MGME1: variants seen among roughly 807,000 people sequenced by gnomAD.
The protein encoded by MGME1 is mitochondrial genome maintenance exonuclease 1, also known as chromosome 20 open reading frame 72.
In MGME1, 22 loss-of-function variants were observed where a neutral mutation model predicts 33.0. The ratio of observed to expected loss-of-function variants is 0.67; its 90% CI spans 0.48 to 0.95. The LOEUF (loss-of-function observed/expected upper bound fraction) is 0.95, where lower values mean the gene tolerates loss of function less well. Among genes scored for constraint, MGME1 ranks in the 40% least tolerant of loss-of-function variants. The pLI is 0.00. For missense variants in MGME1, 383 were observed against 397.8 expected, an observed-to-expected ratio of 0.96 and a Z score of 0.32; for synonymous variants, 133 against 144.0, an observed-to-expected ratio of 0.92 and a Z score of 0.55.
rs1421022790 is a variant in MGME1, at chr20:17,986,982, C to G, written c.732-1184C>G. Among the ~76,000 whole-genome samples, 3 of 151,792 alleles carry G rather than the reference C, an allele frequency of 2.0e-5. No homozygotes were observed. In the East Asian group the frequency reaches 5.8e-4, roughly 29 times the overall value. ...GATCACTTGAGGTTAGGAGTTGAAA[C>G]CAGCCTGGCCAATAGGGCGAAACCC... On this transcript the variant is annotated intron_variant, in intron 3 of 4. Coordinates refer to ENST00000377710, the MANE Select transcript of MGME1 (RefSeq NM_052865.4).
chr20:17,990,810 T>C lies in MGME1; in HGVS notation c.*701T>C, dbSNP rs2036281888. 6.6e-6 allele frequency: 1 copy of C among 152,272 alleles called. No individual in the cohort carries two copies. Among genetic ancestry groups the C allele is most frequent in the Admixed American group, 6.5e-5 (1 of 15,282 alleles). The allele number at this position is 152,272 out of a possible 1,614,324, so 9.4% of individuals were successfully genotyped here. On this transcript the variant is annotated 3_prime_UTR_variant, in exon 5 of 5. Transcript: ENST00000377710. ...TTGAACATCACAATTCTAAGTGTTT[T>C]AGTAACTATTTCTGGCGTGAGTCAA...
chr20:17,973,073 A>G (rs772721474), intron 2 of MGME1, among the ~76,000 whole-genome samples: 5 of 152,176 alleles, frequency 3.3e-5, no homozygotes, highest in Non-Finnish European at 5.9e-5. Context: ...AGCTGGGCAT[A>G]GTGGCTCATG....
chr20:17,978,726 C>T (rs1414061122), intron 3 of MGME1, among the ~76,000 whole-genome samples: 1 of 152,108 alleles, frequency 6.6e-6, no homozygotes, highest in Non-Finnish European at 1.5e-5. Context: ...TTTAAGTCAA[C>T]ATCAACCTTG....
Position 17,990,411 on chromosome 20 carries a change from G to GA in MGME1, c.*302_*303insA, listed in dbSNP as rs202125794. 1 of 140,278 alleles carries GA rather than the reference G, an allele frequency of 7.1e-6. No individual in the cohort carries two copies. The highest frequency in any genetic ancestry group is 7.1e-5 in the African/African-American group (1 of 14,090). The allele number at this position is 140,278 out of a possible 1,614,324, so 8.7% of individuals were successfully genotyped here. On this transcript the variant is annotated 3_prime_UTR_variant, in exon 5 of 5. Coordinates refer to ENST00000377710, the MANE Select transcript of MGME1 (RefSeq NM_052865.4). ...CTCTTGTACTCCCTTGAGGGACATTGGGGGGGGGGGGGCGTGGTCCCAGGC... is the reference window on the plus strand; with the variant it reads ...CTCTTGTACTCCCTTGAGGGACATTGAGGGGGGGGGGGGCGTGGTCCCAGGC...
chr20:17,981,071 T>A (rs1311062081), intron 3 of MGME1, among the ~76,000 whole-genome samples: 4 of 152,170 alleles, frequency 2.6e-5, no homozygotes, highest in Non-Finnish European at 4.4e-5. Context: ...TAGTCTGCCT[T>A]CTACGCTCTT....
chr20:17,990,425 G>A lies in MGME1; in HGVS notation c.*316G>A, dbSNP rs887739232. ...TGAGGGACATTGGGGGGGGGGGGGC[G>A]TGGTCCCAGGCAGGATGCCCAGTCT... is the stretch of plus-strand genomic sequence containing the variant. On this transcript the variant is annotated 3_prime_UTR_variant, in exon 5 of 5. Transcript: ENST00000377710. 2.2e-5 allele frequency: 8 copies of A among 365,614 alleles called. 1 individual carries two copies. The highest frequency in any genetic ancestry group is 1.8e-4 in the Admixed American group (4 of 22,702). The allele number at this position is 365,614 out of a possible 1,614,324, so 22.6% of individuals were successfully genotyped here.
intron 3 of MGME1, among the ~76,000 whole-genome samples, chr20:17,983,267 T>TGTGTGTG (rs1555791108): frequency 1.1e-4 from 16 of 142,688 alleles, no homozygotes; most frequent in African/African-American, 4.2e-4. Flanking sequence ...TAGTGTTCTA[T>TGTGTGTG]TGTGTGTGTG....
chr20:17,972,529 GT>G (rs1268122393), intron 2 of MGME1, among the ~76,000 whole-genome samples: 1 of 150,806 alleles, frequency 6.6e-6, no homozygotes, highest in South Asian at 2.1e-4. Flanking sequence ...ATGCATGAAG[GT>G]TTTTTTTAGT....
At chr20:17,984,098 A>T (rs976347263) in intron 3 of MGME1, among the ~76,000 whole-genome samples, 3 of 152,036 alleles carry the variant, frequency 2.0e-5, no homozygotes, top group African/African-American at 4.8e-5. Context: ...ATGTGGTATG[A>T]GATAGGGTAC....
At chr20:17,975,953 C>G in intron 3 of MGME1, 50 bp downstream of exon 3, 4 of 1,426,342 alleles carry the variant, frequency 2.8e-6, no homozygotes, top group Non-Finnish European at 4.0e-6. Flanking sequence ...CAGATGGTGC[C>G]TGTCAAAGGT....
intron 2 of MGME1, among the ~76,000 whole-genome samples, chr20:17,970,791 G>C (rs960752076): frequency 2.0e-5 from 3 of 152,184 alleles, no homozygotes; most frequent in Non-Finnish European, 4.4e-5. Context: ...AAACTGACTC[G>C]TAAATTTAAA....
At chr20:17,984,410 C>T (rs980538819) in intron 3 of MGME1, among the ~76,000 whole-genome samples, 1 of 152,154 alleles carries the variant, frequency 6.6e-6, no homozygotes, top group Non-Finnish European at 1.5e-5. Flanking sequence ...AAACTCCTAT[C>T]ATCTAGTGAT....
intron 3 of MGME1, among the ~76,000 whole-genome samples, chr20:17,985,267 T>C (rs984339260): frequency 7.3e-5 from 11 of 151,558 alleles, no homozygotes; most frequent in African/African-American, 2.4e-4. Flanking sequence ...CTGCTAAAAA[T>C]ACAAAATTAG....
chr20:17,973,595 T>TC (rs2035782930), intron 2 of MGME1, among the ~76,000 whole-genome samples: 1 of 151,238 alleles, frequency 6.6e-6, no homozygotes, highest in Admixed American at 6.6e-5. Context: ...TGAGCAATGA[T>TC]CGAGCCAGTA....
intron 2 of MGME1, among the ~76,000 whole-genome samples, chr20:17,974,792 T>TA (rs908979432): frequency 9.6e-4 from 142 of 148,580 alleles, no homozygotes; most frequent in African/African-American, 2.7e-3. Context: ...GTTCCAGCAC[T>TA]AAAAAAAAAA....
intron 4 of MGME1, among the ~76,000 whole-genome samples, chr20:17,989,552 T>A (rs1489235263): frequency 6.6e-6 from 1 of 150,830 alleles, no homozygotes; most frequent in African/African-American, 2.4e-5. Flanking sequence ...CCATCATTAC[T>A]AAAAATAGAA....
intron 2 of MGME1, among the ~76,000 whole-genome samples, chr20:17,974,502 G>C (rs2035810493): frequency 6.6e-6 from 1 of 152,174 alleles, no homozygotes; most frequent in Non-Finnish European, 1.5e-5. Context: ...AGACACTACA[G>C]TTCTTTCGGA....
rs1347531558 is a variant in MGME1, at chr20:17,990,059, A to G, written c.985A>G (p.Thr329Ala). The G allele has an allele frequency of 6.2e-7, 1 of 1,614,092 alleles. No individual in the cohort carries two copies. Among genetic ancestry groups the G allele is most frequent in the South Asian group, 1.1e-5 (1 of 91,080 alleles). The change falls in exon 5 of 5, where the codon ACG (threonine) becomes GCG (alanine). Residue 329 changes from threonine (T) to alanine (A), a missense_variant. Transcript: ENST00000377710. The part of the protein sequence containing the change: ...TKWLLRLEEY[T>A]EKKKNQNIQK... ...GTGGCTTCTTCGACTAGAAGAATAT[A>G]CGGAAAAGAAAAAGAACCAGAATAT...
intron 1 of MGME1, 105 bp from the exon 2 acceptor site, chr20:17,969,693 TTTC>T: frequency 1.5e-6 from 1 of 674,456 alleles, no homozygotes; most frequent in Non-Finnish European, 2.4e-6. Flanking sequence ...CTCTGTCGAC[TTTC>T]TTAAGAAAGG....
Sources: gnomAD v4.1 joint callset for allele counts (sites outside exome capture counted in the v4.1 genomes callset) on GRCh38, gnomAD v4.1.1 for gene constraint, MANE v1.5 for transcripts, NCBI Gene and HGNC (gene_info 2026-07-23, HGNC 2026-07-21) for gene names.